The following FBXW12 variants were observed in gnomAD, a reference collection of about 807,000 sequenced individuals.
FBXW12 encodes F-box/WD repeat-containing protein 12.
A neutral mutation model predicts 55.3 loss-of-function variants in FBXW12; 43 were observed. The ratio of observed to expected loss-of-function variants is 0.78; its 90% CI spans 0.61 to 1.00. The LOEUF (loss-of-function observed/expected upper bound fraction) is 1.00, where lower values mean the gene tolerates loss of function less well. FBXW12 is among the 50% of genes least tolerant of loss of function. The pLI is 0.00. For missense variants in FBXW12, 524 were observed against 560.5 expected, an observed-to-expected ratio of 0.93 and a Z score of 0.66; for synonymous variants, 184 against 203.8, an observed-to-expected ratio of 0.90 and a Z score of 0.83.
At chr3:48,391,394 CA>C (rs1053299697) in intron 10 of FBXW12, among the ~76,000 whole-genome samples, 5 of 151,662 alleles carry the variant, frequency 3.3e-5, no homozygotes, top group Non-Finnish European at 5.9e-5. Flanking sequence ...ATATTGTCCA[CA>C]AATAGATAGT....
intron 10 of FBXW12, among the ~76,000 whole-genome samples, chr3:48,383,867 A>G (rs958759194): frequency 1.3e-5 from 2 of 152,212 alleles, no homozygotes; most frequent in African/African-American, 4.8e-5. Flanking sequence ...AAAATCAACC[A>G]TATTTACATG....
At chr3:48,372,624 T>TGCACACCTGCAGCTTGTTTCTACC in intron 1 of FBXW12, 60 bp from the exon 2 acceptor site, 1 of 1,559,412 alleles carries the variant, frequency 6.4e-7, no homozygotes, top group Non-Finnish European at 8.7e-7. Flanking sequence ...CCCGGGAGTC[T>TGCACACCTGCAGCTTGTTTCTACC]GCACACCTGC....
chr3:48,381,251 T>C (rs2036767134), intron 8 of FBXW12, among the ~76,000 whole-genome samples: 1 of 152,078 alleles, frequency 6.6e-6, no homozygotes, highest in African/African-American at 2.4e-5. Context: ...CTCAATCTCC[T>C]GACCTCATGA....
chr3:48,390,353 T>C (rs1258846348), intron 10 of FBXW12, among the ~76,000 whole-genome samples: 2 of 151,890 alleles, frequency 1.3e-5, no homozygotes, highest in South Asian at 2.1e-4. Flanking sequence ...TCTTCTACTC[T>C]ATGAGCATGA....
chr3:48,391,473 C>A (rs575844594), intron 10 of FBXW12, among the ~76,000 whole-genome samples: 1 of 152,084 alleles, frequency 6.6e-6, no homozygotes, highest in East Asian at 1.9e-4. Context: ...GCTAGGACTT[C>A]CTAGCTAGAG....
chr3:48,393,211 G>A (rs994563915), intron 10 of FBXW12, among the ~76,000 whole-genome samples: 11 of 152,100 alleles, frequency 7.2e-5, no homozygotes, highest in Non-Finnish European at 1.2e-4. Context: ...GGTCAGGCTG[G>A]TCTCAAACTC....
rs1246353954 is a variant in FBXW12 at position 48,373,587 on chromosome 3, C to T, written c.168C>T (p.Thr56=). 1.9e-6 allele frequency: 3 copies of T among 1,614,076 alleles called. No homozygotes were observed. The highest frequency in any genetic ancestry group is 3.3e-5 in the Admixed American group (2 of 60,014). ...AGAGATGGGACTGCAGCAACTTCAC[C>T]AATCAACACCTGGGCACACACACAT... is the stretch of plus-strand genomic sequence containing the variant. ...SLQRWDCSNF[T]NQHLGTHTWK... The change falls in exon 4 of 11, where the codon ACC becomes ACT. Residue 56 remains threonine (T), a synonymous_variant. Coordinates refer to ENST00000296438, the MANE Select transcript of FBXW12 (RefSeq NM_207102.2).
rs140067012 is a variant in FBXW12 at position 48,391,317 on chromosome 3, T to TAC, written c.1296-3205_1296-3204dup. On this transcript the variant is annotated intron_variant, in intron 10 of 10. Coordinates refer to ENST00000296438, the MANE Select transcript of FBXW12 (RefSeq NM_207102.2). Reference sequence around the variant, plus strand: ...AAAAAATACATATTATATCTATCTATACACACACACACACACACACACACA... The same window carrying TAC: ...AAAAAATACATATTATATCTATCTATACACACACACACACACACACACACACA... 4.5e-3 allele frequency among the ~76,000 whole-genome samples: 602 copies of TAC among 133,172 alleles called. 3 individuals carry two copies. Among genetic ancestry groups the TAC allele is most frequent in the Middle Eastern group, 0.018 (5 of 276 alleles). 87.4% of individuals were successfully genotyped at this position (133,172 alleles called of 152,430 possible).
chr3:48,394,359 G>A (rs549779584), intron 10 of FBXW12, among the ~76,000 whole-genome samples: 15 of 152,298 alleles, frequency 9.8e-5, no homozygotes, highest in African/African-American at 3.4e-4. Context: ...TTGAGAGCAG[G>A]TTGTGATTGC....
intron 6 of FBXW12, 80 bp downstream of exon 6, chr3:48,378,606 C>T: frequency 1.0e-6 from 1 of 1,000,716 alleles, no homozygotes; most frequent in Non-Finnish European, 1.4e-6. Flanking sequence ...ACATTACTGT[C>T]CTATCCCTTT....
Position 48,375,454 on chromosome 3 carries a change from T to C in FBXW12, c.387T>C (p.Cys129=), listed in dbSNP as rs2036669398. 6.2e-7 allele frequency: 1 copy of C among 1,603,900 alleles called. No homozygotes were observed. Among genetic ancestry groups the C allele is most frequent in the African/African-American group, 1.3e-5 (1 of 74,410 alleles). ...ICSVSPKQEL[C]AWDVQEGTMI... is the part of the protein sequence containing the mutation. ...GTGTATCTCCAAAGCAAGAGCTTTG[T>C]GCCTGGGATGTGCAAGAGGTGAGTC... Residue 129 remains cysteine, a synonymous_variant, in exon 5 of 11, where the codon TGT becomes TGC. Transcript: ENST00000296438.
intron 10 of FBXW12, among the ~76,000 whole-genome samples, chr3:48,382,301 G>C (rs1166614066): frequency 1.3e-5 from 2 of 152,136 alleles, no homozygotes; most frequent in African/African-American, 2.4e-5. Flanking sequence ...ATTTTTAGTA[G>C]AGACTGGGTT....
chr3:48,378,510 ATGGCCC>A lies in FBXW12; in HGVS notation c.600_605del (p.Asp200_Pro202delinsGlu), dbSNP rs757134721. On this transcript the variant is annotated inframe_deletion, in exon 6 of 11. Coordinates refer to ENST00000296438, the MANE Select transcript of FBXW12 (RefSeq NM_207102.2). Reference sequence around the variant, plus strand: ...TGCATGGAAGCCTATCTTACAAAGGATGGCCCATTCCTGATGGTAAGTGAGCCCTGA... The same window carrying A: ...TGCATGGAAGCCTATCTTACAAAGGAATTCCTGATGGTAAGTGAGCCCTGA... The A allele has an allele frequency of 2.5e-6, 4 of 1,613,472 alleles. No individual in the cohort carries two copies. In the South Asian group the frequency reaches 4.4e-5, roughly 18 times the overall value.
At position 48,394,563 on chromosome 3, in the gene FBXW12, C is replaced by T; in HGVS notation, c.1299C>T (p.Cys433=). 1 of 1,583,708 alleles carries T rather than the reference C, an allele frequency of 6.3e-7. No individual in the cohort carries two copies. The highest frequency in any genetic ancestry group is 8.6e-7 in the Non-Finnish European group (1 of 1,159,416). ...GATCTTATTTTTCCATTGACAGCTG[C>T]ATCTCCAGTGTGATGTGTGATAATG... ...NTWHDHTTDS[C]ISSVMCDNAS... The change falls in exon 11 of 11, where the codon TGC becomes TGT. Residue 433 remains cysteine, a synonymous_variant. Coordinates refer to ENST00000296438, the MANE Select transcript of FBXW12 (RefSeq NM_207102.2).
chr3:48,390,126 A>T (rs1560034855), intron 10 of FBXW12, among the ~76,000 whole-genome samples: 4 of 152,170 alleles, frequency 2.6e-5, no homozygotes, highest in Admixed American at 2.6e-4. Context: ...AGCCTATAGT[A>T]TAGTTTGAAG....
At chr3:48,379,716 C>G (rs2036738654) in intron 7 of FBXW12, 158 bp downstream of exon 7, 2 of 627,334 alleles carry the variant, frequency 3.2e-6, no homozygotes, top group Admixed American at 5.6e-5. Context: ...GGAAACAATG[C>G]TCTTTGAAGT....
rs2036716132 is a variant in FBXW12, at chr3:48,378,438, A to C, written c.527A>C (p.Gln176Pro). The change falls in exon 6 of 11, where the codon CAG becomes CCG. Residue 176 changes from glutamine (Q) to proline (P), a missense_variant. Physicochemically the swap from Gln to Pro is moderately conservative, Grantham distance 76. Transcript: ENST00000296438. The stretch of plus-strand genomic sequence containing the variant: ...AAAACTATCAAAGTGTGGAACTGTC[A>C]GGACAGGGACGCTCTGGCTGTTCTC... ...RKKTIKVWNC[Q>P]DRDALAVLPM... The C allele has an allele frequency of 6.2e-7, 1 of 1,613,972 alleles. No homozygotes were observed. The highest frequency in any genetic ancestry group is 8.5e-7 in the Non-Finnish European group (1 of 1,180,030).
rs1193618335 is a variant in FBXW12, at chr3:48,380,773, A to C, written c.846A>C (p.Lys282Asn). 1 of 1,614,100 alleles carries C rather than the reference A, an allele frequency of 6.2e-7. No homozygotes were observed. Among genetic ancestry groups the C allele is most frequent in the East Asian group, 2.2e-5 (1 of 44,876 alleles). Residue 282 changes from lysine to asparagine, a missense_variant, in exon 8 of 11, where the codon AAA (lysine) becomes AAC (asparagine). Lys to Asn is a moderately conservative substitution (Grantham distance 94). Transcript: ENST00000296438. ...CTCTGTCTACCTTTCTCCCACATAA[A>C]TTATGTGCCAGCGCCTGCTGGACCC... ...SVPLSTFLPHKLCASACWTPK... is the reference protein window; with the variant it reads ...SVPLSTFLPHNLCASACWTPK...
Position 48,381,682 on chromosome 3 carries a change from C to T in FBXW12, c.986-18C>T, listed in dbSNP as rs751984144. 1.6e-5 allele frequency: 24 copies of T among 1,539,094 alleles called. No individual in the cohort carries two copies. The highest frequency in any genetic ancestry group is 1.2e-4 in the African/African-American group (9 of 72,606). The stretch of plus-strand genomic sequence containing the variant: ...TTATGTGTGTGTGTATATATATGTG[C>T]GTTTTACATGAAAACAGCATATGAG... On this transcript the variant is annotated intron_variant, in intron 8 of 10. Transcript: ENST00000296438.
Sources: gnomAD v4.1 joint callset for allele counts (sites outside exome capture counted in the v4.1 genomes callset) on GRCh38, gnomAD v4.1.1 for gene constraint, MANE v1.5 for transcripts, NCBI Gene and HGNC (gene_info 2026-07-23, HGNC 2026-07-21) for gene names.